Variants in MOGAT1 observed in about 807,000 individuals in gnomAD.
The protein encoded by MOGAT1 is monoacylglycerol O-acyltransferase 1.
In MOGAT1, 32 loss-of-function variants were observed where a neutral mutation model predicts 31.4. The ratio of observed to expected loss-of-function variants is 1.02; its 90% CI spans 0.77 to 1.37. MOGAT1 has a LOEUF of 1.37. Among genes scored for constraint, MOGAT1 ranks in the 40% most tolerant of loss-of-function variants. The probability of loss-of-function intolerance (pLI) is 0.00; values close to 1 mark genes in which losing one functional copy is unlikely to be tolerated. For synonymous variants in MOGAT1, 145 were observed against 144.5 expected (o/e 1.00, Z -0.03); for missense variants, 426 against 402.0 (o/e 1.06, Z -0.51).
chr2:222,705,711 G>C (rs1208571223), intron 5 of MOGAT1, among the ~76,000 whole-genome samples: 1 of 152,144 alleles, frequency 6.6e-6, no homozygotes, highest in Non-Finnish European at 1.5e-5. Flanking sequence ...AATAATGGCT[G>C]TCTTGCTAGG....
intron 1 of MOGAT1, among the ~76,000 whole-genome samples, chr2:222,679,387 A>T (rs1692546873): frequency 6.6e-6 from 1 of 152,190 alleles, no homozygotes; most frequent in Non-Finnish European, 1.5e-5. Flanking sequence ...CGTCCTTATC[A>T]GTTCCATATG....
At chr2:222,676,660 C>G (rs1692502912) in intron 1 of MOGAT1, among the ~76,000 whole-genome samples, 1 of 152,194 alleles carries the variant, frequency 6.6e-6, no homozygotes, top group Admixed American at 6.5e-5. Context: ...CCAGAAACCA[C>G]CAAAGTTTCT....
Position 222,688,327 on chromosome 2 carries a change from T to A in MOGAT1, c.95-17T>A. The A allele has an allele frequency of 6.3e-7, 1 of 1,592,032 alleles. No individual in the cohort carries two copies. The highest frequency in any genetic ancestry group is 8.6e-7 in the Non-Finnish European group (1 of 1,168,602). On this transcript the variant is annotated splice_polypyrimidine_tract_variant and intron_variant, in intron 1 of 5. Coordinates refer to ENST00000446656, the MANE Select transcript of MOGAT1 (RefSeq NM_058165.3). ...TACTAACAGACTGATTCCATGAGACTTTTTCTTTTCTTACAGGGCCGATGT... is the reference window on the plus strand; with the variant it reads ...TACTAACAGACTGATTCCATGAGACATTTTCTTTTCTTACAGGGCCGATGT...
chr2:222,677,255 T>C (rs1024270640), intron 1 of MOGAT1, among the ~76,000 whole-genome samples: 41 of 152,192 alleles, frequency 2.7e-4, no homozygotes, highest in Non-Finnish European at 5.7e-4. Context: ...TTACAAGGTA[T>C]GTTGTGAAGT....
intron 1 of MOGAT1, among the ~76,000 whole-genome samples, chr2:222,672,251 C>T (rs909056091): frequency 5.3e-5 from 8 of 152,178 alleles, no homozygotes; most frequent in African/African-American, 1.9e-4. Context: ...ACTCGTTTCT[C>T]GAACTGTTGA....
chr2:222,692,914 A>T (rs1692783495), intron 3 of MOGAT1, among the ~76,000 whole-genome samples: 1 of 152,210 alleles, frequency 6.6e-6, no homozygotes, highest in Admixed American at 6.5e-5. Context: ...CACACAGAGC[A>T]GAATGGCATG....
At chr2:222,694,619 T>C (rs1692815058) in intron 4 of MOGAT1, 83 bp downstream of exon 4, 3 of 1,405,342 alleles carry the variant, frequency 2.1e-6, no homozygotes, top group Non-Finnish European at 2.9e-6. Context: ...GGTGATTTTC[T>C]AGCCCTTAAA....
chr2:222,708,570 G>A (rs73073800), intron 5 of MOGAT1, among the ~76,000 whole-genome samples: 1 of 152,064 alleles, frequency 6.6e-6, no homozygotes, highest in Non-Finnish European at 1.5e-5. Context: ...TAGTGTATTT[G>A]GAAAAACACA....
At chr2:222,708,286 G>C (rs897339651) in intron 5 of MOGAT1, among the ~76,000 whole-genome samples, 3 of 152,092 alleles carry the variant, frequency 2.0e-5, no homozygotes, top group Admixed American at 1.3e-4. Flanking sequence ...GTTTCGCCAT[G>C]CTGGTCAGGC....
Position 222,688,407 on chromosome 2 carries a change from C to G in MOGAT1, c.158C>G (p.Pro53Arg), listed in dbSNP as rs749189713. ...IIHNYLFLYI[P>R]YLMWLYFDWH... ...CACAACTATTTGTTCCTTTACATCCCTTATTTGATGTGGCTTTACTTTGAC... is the reference window on the plus strand; with the variant it reads ...CACAACTATTTGTTCCTTTACATCCGTTATTTGATGTGGCTTTACTTTGAC... The change falls in exon 2 of 6, where the codon CCT becomes CGT. Residue 53 changes from proline to arginine, a missense_variant. Pro to Arg is a moderately radical substitution (Grantham distance 103, BLOSUM62 -2). Coordinates refer to ENST00000446656, the MANE Select transcript of MOGAT1 (RefSeq NM_058165.3). 7 of 1,613,414 alleles carry G rather than the reference C, an allele frequency of 4.3e-6. No homozygotes were observed. Among genetic ancestry groups the G allele is most frequent in the Non-Finnish European group, 5.9e-6 (7 of 1,179,678 alleles).
At chr2:222,684,100 G>A (rs967898797) in intron 1 of MOGAT1, among the ~76,000 whole-genome samples, 12 of 151,992 alleles carry the variant, frequency 7.9e-5, no homozygotes, top group African/African-American at 1.7e-4. Flanking sequence ...TTTCAATCCC[G>A]TTTAGAATCA....
chr2:222,706,344 G>A lies in MOGAT1; in HGVS notation c.854-3392G>A, dbSNP rs148215722. ...AAAAATTACCCTGGCATGGTGGTGCGTGCCTGTAATTCCAACTACTTGGGA... is the reference window on the plus strand; with the variant it reads ...AAAAATTACCCTGGCATGGTGGTGCATGCCTGTAATTCCAACTACTTGGGA... On this transcript the variant is annotated intron_variant, in intron 5 of 5. Transcript: ENST00000446656. Among the ~76,000 whole-genome samples, 1,393 of 152,060 alleles carry A rather than the reference G, an allele frequency of 9.2e-3. 20 individuals carry two copies. Among genetic ancestry groups the A allele is most frequent in the African/African-American group, 0.03 (1,234 of 41,488 alleles).
chr2:222,686,282 GC>G (rs1322770958), intron 1 of MOGAT1, among the ~76,000 whole-genome samples: 1 of 152,178 alleles, frequency 6.6e-6, no homozygotes. Flanking sequence ...AATTCCCTGA[GC>G]CTCAGTTTCT....
At chr2:222,693,448 G>GTTTTTTTTTTTTT (rs11331017) in intron 3 of MOGAT1, among the ~76,000 whole-genome samples, 1 of 116,190 alleles carries the variant, frequency 8.6e-6, no homozygotes, top group African/African-American at 2.9e-5. Flanking sequence ...CAAATGTCTT[G>GTTTTTTTTTTTTT]TTTTTTTTTT....
rs78543860 is a variant in MOGAT1, at chr2:222,702,832, A to G, written c.854-6904A>G. Among the ~76,000 whole-genome samples, 53 of 152,016 alleles carry G rather than the reference A, an allele frequency of 3.5e-4. No homozygotes were observed. The East Asian group carries it at 0.01, about 29-fold the overall frequency. On this transcript the variant is annotated intron_variant, in intron 5 of 5. Coordinates refer to ENST00000446656, the MANE Select transcript of MOGAT1 (RefSeq NM_058165.3). ...GAACAAGACTTTGTCTCAAAAAAAA[A>G]AACCACAAAAAACAAACAAACAAAC...
intron 5 of MOGAT1, among the ~76,000 whole-genome samples, chr2:222,700,817 C>A (rs964080262): frequency 6.6e-6 from 1 of 152,182 alleles, no homozygotes; most frequent in Non-Finnish European, 1.5e-5. Flanking sequence ...GTGTTCATTT[C>A]TATTTTAAAT....
chr2:222,673,351 A>G (rs2106029302), intron 1 of MOGAT1, among the ~76,000 whole-genome samples: 1 of 151,952 alleles, frequency 6.6e-6, no homozygotes, highest in African/African-American at 2.4e-5. Context: ...AAAAAATGTA[A>G]TTCAAAGTGT....
At chr2:222,701,881 A>G (rs1490777133) in intron 5 of MOGAT1, among the ~76,000 whole-genome samples, 1 of 152,194 alleles carries the variant, frequency 6.6e-6, no homozygotes, top group Admixed American at 6.5e-5. Context: ...TGAATGTTTC[A>G]TTTATCTTCT....
At chr2:222,679,316 T>C (rs1285582348) in intron 1 of MOGAT1, among the ~76,000 whole-genome samples, 2 of 152,248 alleles carry the variant, frequency 1.3e-5, no homozygotes, top group East Asian at 3.8e-4. Context: ...TGAAATCAGA[T>C]ACTGTTAGTC....
Sources: gnomAD v4.1 joint callset for allele counts (sites outside exome capture counted in the v4.1 genomes callset) on GRCh38, gnomAD v4.1.1 for gene constraint, MANE v1.5 for transcripts, NCBI Gene and HGNC (gene_info 2026-07-23, HGNC 2026-07-21) for gene names.